Variants in CAPN8 observed in about 807,000 individuals in gnomAD.
CAPN8 encodes calpain-8.
Under a neutral mutation model 80.9 loss-of-function variants are expected in CAPN8, and 87 were observed. That is an observed-to-expected ratio of 1.07 (90% confidence interval 0.90 to 1.28). CAPN8 has a LOEUF of 1.28. CAPN8 is among the 50% of genes most tolerant of loss of function. The probability of loss-of-function intolerance (pLI) is 0.00; values close to 1 mark genes in which losing one functional copy is unlikely to be tolerated. For synonymous variants in CAPN8, 299 were observed against 273.8 expected (o/e 1.09, Z -0.91); for missense variants, 757 against 702.0 (o/e 1.08, Z -0.89).
chr1:223,662,617 T>G (rs781164253), intron 1 of CAPN8, among the ~76,000 whole-genome samples: 39 of 152,184 alleles, frequency 2.6e-4, no homozygotes, highest in Non-Finnish European at 4.7e-4. Context: ...GGAATGTACT[T>G]AATGCCACTG....
At chr1:223,651,610 G>A (rs1658343195) in intron 2 of CAPN8, among the ~76,000 whole-genome samples, 1 of 152,192 alleles carries the variant, frequency 6.6e-6, no homozygotes, top group South Asian at 2.1e-4. Context: ...GGACGTGCTG[G>A]CAAATAGCCT....
At chr1:223,642,757 A>G (rs1474509643) in intron 2 of CAPN8, 1 of 452,122 alleles carries the variant, frequency 2.2e-6, no homozygotes, top group Non-Finnish European at 4.4e-6. Flanking sequence ...ACAGCTGAAG[A>G]AACTTGTTCA....
chr1:223,660,496 A>G (rs779789900), intron 1 of CAPN8, among the ~76,000 whole-genome samples: 14 of 152,340 alleles, frequency 9.2e-5, no homozygotes, highest in Non-Finnish European at 1.6e-4. Flanking sequence ...CTGAGAACCT[A>G]TGCTTGACCT....
chr1:223,638,280 G>A (rs1274538451), intron 2 of CAPN8, among the ~76,000 whole-genome samples: 3 of 152,128 alleles, frequency 2.0e-5, no homozygotes, highest in Non-Finnish European at 4.4e-5. Flanking sequence ...TCATATCAGG[G>A]ACTTGAGCAT....
intron 9 of CAPN8, chr1:223,618,186 G>A: frequency 6.5e-7 from 1 of 1,539,558 alleles, no homozygotes; most frequent in Non-Finnish European, 8.8e-7. Context: ...AGAGAGAGCA[G>A]GATTTGCTTT....
chr1:223,652,424 A>C (rs1361916), intron 2 of CAPN8, among the ~76,000 whole-genome samples: 6 of 152,292 alleles, frequency 3.9e-5, no homozygotes, highest in South Asian at 2.1e-4. Context: ...ACTCTGAAAA[A>C]CCAACAGAAC....
chr1:223,546,121 T>C (rs982583566), intron 16 of CAPN8, among the ~76,000 whole-genome samples: 4 of 151,810 alleles, frequency 2.6e-5, no homozygotes, highest in African/African-American at 9.7e-5. Context: ...TTTTTAACGC[T>C]GTGCTAGTCA....
At position 223,544,059 on chromosome 1, in the gene CAPN8, T is replaced by C. The variant is rs1656547179; in HGVS notation, c.2029+8A>G. On this transcript the variant is annotated splice_region_variant and intron_variant, in intron 19 of 20. Coordinates refer to ENST00000366872, the MANE Select transcript of CAPN8 (RefSeq NM_001143962.2). ...AATAGGATGGGGCTGGAGGACAGAGTGACTCACTGAAGAGGGTCTCCAGGC... is the reference window on the plus strand; with the variant it reads ...AATAGGATGGGGCTGGAGGACAGAGCGACTCACTGAAGAGGGTCTCCAGGC... 3 of 717,726 alleles carry C rather than the reference T, an allele frequency of 4.2e-6. No homozygotes were observed. The highest frequency in any genetic ancestry group is 7.8e-6 in the Non-Finnish European group (3 of 385,048). 44.5% of individuals were successfully genotyped at this position (717,726 alleles called of 1,614,324 possible).
chr1:223,641,831 A>C (rs1571728583), intron 2 of CAPN8, among the ~76,000 whole-genome samples: 1 of 152,322 alleles, frequency 6.6e-6, no homozygotes, highest in East Asian at 1.9e-4. Flanking sequence ...GTTTCCTGGC[A>C]TGAAGAAGAC....
chr1:223,619,225 A>C, intron 9 of CAPN8, 68 bp downstream of exon 9: 1 of 1,518,270 alleles, frequency 6.6e-7, no homozygotes, highest in Middle Eastern at 2.2e-4. Flanking sequence ...CCAAAAAATT[A>C]CATAAAATGA....
chr1:223,653,715 A>G (rs1658403678), intron 2 of CAPN8, among the ~76,000 whole-genome samples: 3 of 152,186 alleles, frequency 2.0e-5, no homozygotes, highest in Admixed American at 2.0e-4. Context: ...TATGAAATCA[A>G]TAAAGCTCAT....
intron 1 of CAPN8, among the ~76,000 whole-genome samples, chr1:223,659,488 C>T (rs1008454381): frequency 6.6e-6 from 1 of 152,158 alleles, no homozygotes; most frequent in African/African-American, 2.4e-5. Flanking sequence ...AATACACTTG[C>T]TCCCGATGCA....
intron 2 of CAPN8, among the ~76,000 whole-genome samples, chr1:223,652,183 T>C (rs1371549511): frequency 6.6e-6 from 1 of 151,876 alleles, no homozygotes; most frequent in African/African-American, 2.4e-5. Context: ...TACAAAAAAC[T>C]ACAAAAAAAT....
At chr1:223,642,340 A>G (rs901346914) in intron 2 of CAPN8, among the ~76,000 whole-genome samples, 3 of 152,228 alleles carry the variant, frequency 2.0e-5, no homozygotes, top group Admixed American at 1.3e-4. Context: ...TATAATTTTT[A>G]TAGCCTCAAA....
At chr1:223,631,545 C>T (rs377130400) in intron 2 of CAPN8, among the ~76,000 whole-genome samples, 22 of 152,314 alleles carry the variant, frequency 1.4e-4, no homozygotes, top group African/African-American at 5.1e-4. Flanking sequence ...TCACTCATCT[C>T]GGCATCCCCA....
intron 2 of CAPN8, among the ~76,000 whole-genome samples, chr1:223,639,824 A>G (rs1001171157): frequency 6.6e-6 from 1 of 152,244 alleles, no homozygotes; most frequent in Non-Finnish European, 1.5e-5. Context: ...CATTTGCCAG[A>G]CAAGTAAAGC....
chr1:223,551,299 C>G (rs533970217), intron 14 of CAPN8, among the ~76,000 whole-genome samples: 1 of 152,180 alleles, frequency 6.6e-6, no homozygotes, highest in African/African-American at 2.4e-5. Context: ...CGTGCCACCA[C>G]GCCTGGCTAA....
intron 6 of CAPN8, among the ~76,000 whole-genome samples, chr1:223,624,818 G>A (rs1430896259): frequency 6.6e-6 from 1 of 152,112 alleles, no homozygotes; most frequent in Non-Finnish European, 1.5e-5. Flanking sequence ...GAATAGGCCG[G>A]GTGCGGTGGC....
chr1:223,657,004 CAT>C (rs1658512487), intron 1 of CAPN8, among the ~76,000 whole-genome samples: 1 of 152,148 alleles, frequency 6.6e-6, no homozygotes, highest in Non-Finnish European at 1.5e-5. Context: ...ATTTTTATCA[CAT>C]ATGTCTTGTA....
Sources: gnomAD v4.1 joint callset for allele counts (sites outside exome capture counted in the v4.1 genomes callset) on GRCh38, gnomAD v4.1.1 for gene constraint, MANE v1.5 for transcripts, NCBI Gene and HGNC (gene_info 2026-07-23, HGNC 2026-07-21) for gene names.